The following EPB41L3 variants were observed in gnomAD, a reference collection of about 807,000 sequenced individuals.
The protein encoded by EPB41L3 is erythrocyte membrane protein band 4.1 like 3.
Under a neutral mutation model 127.1 loss-of-function variants are expected in EPB41L3, and 57 were observed. The observed-to-expected ratio is 0.45, with a 90% confidence interval of 0.36 to 0.56. The LOEUF is 0.56. EPB41L3 is among the 20% of genes least tolerant of loss of function. The pLI, the probability that EPB41L3 is intolerant of heterozygous loss-of-function variation, is 0.00. For missense variants in EPB41L3, 1,273 were observed against 1,372.2 expected, an observed-to-expected ratio of 0.93 and a Z score of 1.14; for synonymous variants, 572 against 549.5, an observed-to-expected ratio of 1.04 and a Z score of -0.57.
At chr18:5,512,665 C>G (rs1195510597) in intron 1 of EPB41L3, among the ~76,000 whole-genome samples, 1 of 152,034 alleles carries the variant, frequency 6.6e-6, no homozygotes, top group African/African-American at 2.4e-5. Flanking sequence ...GATGACCCAG[C>G]AGAAAGAAGA....
chr18:5,573,816 G>T (rs1206003305), intron 3 of EPB41L3, among the ~76,000 whole-genome samples: 1 of 151,836 alleles, frequency 6.6e-6, no homozygotes, highest in Non-Finnish European at 1.5e-5. Flanking sequence ...TTTTTAAAAA[G>T]TCAAGAATAG....
intron 5 of EPB41L3, among the ~76,000 whole-genome samples, chr18:5,439,787 T>G (rs1471239435): frequency 6.6e-6 from 1 of 152,226 alleles, no homozygotes; most frequent in Non-Finnish European, 1.5e-5. Context: ...ATAGATCCCT[T>G]CAACGCTTGC....
At chr18:5,531,591 T>C (rs914804352) in intron 1 of EPB41L3, among the ~76,000 whole-genome samples, 9 of 151,662 alleles carry the variant, frequency 5.9e-5, no homozygotes, top group South Asian at 2.1e-4. Context: ...GGTGTGGTGG[T>C]GCATGCCTGT....
At chr18:5,429,040 C>T (rs995595429) in intron 8 of EPB41L3, among the ~76,000 whole-genome samples, 10 of 152,004 alleles carry the variant, frequency 6.6e-5, no homozygotes, top group African/African-American at 2.2e-4. Flanking sequence ...CCATTATTGT[C>T]AGAGTAAAAT....
At chr18:5,624,728 C>G (rs1040168173) in intron 1 of EPB41L3, among the ~76,000 whole-genome samples, 1 of 152,190 alleles carries the variant, frequency 6.6e-6, no homozygotes, top group Admixed American at 6.5e-5. Context: ...GTGGAGCCCC[C>G]ACTCCGGACA....
intron 4 of EPB41L3, 137 bp from the exon 5 acceptor site, chr18:5,444,017 C>T (rs550723317): frequency 8.8e-6 from 6 of 678,314 alleles, no homozygotes; most frequent in East Asian, 2.7e-5. Context: ...GGTCCTTCCC[C>T]CACATCTGGT....
intron 1 of EPB41L3, among the ~76,000 whole-genome samples, chr18:5,537,420 T>C (rs2093605713): frequency 6.6e-6 from 1 of 152,140 alleles, no homozygotes; most frequent in Non-Finnish European, 1.5e-5. Context: ...AAAATATCAA[T>C]CATTGAGAGA....
chr18:5,621,642 G>A (rs1463772929), intron 1 of EPB41L3, among the ~76,000 whole-genome samples: 2 of 152,182 alleles, frequency 1.3e-5, no homozygotes, highest in East Asian at 1.9e-4. Context: ...TCGGGAGGCT[G>A]AGGCAGGAGA....
intron 1 of EPB41L3, among the ~76,000 whole-genome samples, chr18:5,621,141 C>A (rs2094856717): frequency 6.6e-6 from 1 of 152,084 alleles, no homozygotes; most frequent in African/African-American, 2.4e-5. Flanking sequence ...TGGGTGCTGG[C>A]CACAATGGGT....
intron 2 of EPB41L3, 32 bp from the exon 3 acceptor site, chr18:5,478,470 T>C: frequency 1.2e-6 from 2 of 1,607,844 alleles, no homozygotes; most frequent in Non-Finnish European, 8.5e-7. Flanking sequence ...CAGTTTTCAT[T>C]GCAAGGTGGG....
At chr18:5,479,264 C>T (rs956707759) in intron 2 of EPB41L3, among the ~76,000 whole-genome samples, 5 of 152,170 alleles carry the variant, frequency 3.3e-5, no homozygotes, top group South Asian at 2.1e-4. Context: ...ACTGCAAATT[C>T]GATCCTTGGG....
Position 5,489,194 on chromosome 18 carries a change from T to A in EPB41L3, c.-11A>T. ...AGATTCGGTCGTCATGGTTGATTGT[T>A]CTGCAAGCAGAAAAAAGGGAAGAGC... On this transcript the variant is annotated splice_region_variant and 5_prime_UTR_variant, in exon 2 of 23. Transcript: ENST00000341928. 1 of 1,589,186 alleles carries A rather than the reference T, an allele frequency of 6.3e-7. No homozygotes were observed. The highest frequency in any genetic ancestry group is 1.9e-5 in the Admixed American group (1 of 53,690).
chr18:5,427,619 C>T (rs2078375549), intron 9 of EPB41L3, among the ~76,000 whole-genome samples: 1 of 152,198 alleles, frequency 6.6e-6, no homozygotes, highest in Admixed American at 6.5e-5. Context: ...GACCTCTAAA[C>T]TGTTCACTTT....
intron 6 of EPB41L3, among the ~76,000 whole-genome samples, chr18:5,434,827 T>C (rs979489165): frequency 6.6e-6 from 1 of 152,218 alleles, no homozygotes; most frequent in African/African-American, 2.4e-5. Context: ...CTCCTTCTAT[T>C]TGTAAAAATA....
At chr18:5,422,955 A>G (rs191868137) in intron 11 of EPB41L3, among the ~76,000 whole-genome samples, 1 of 152,306 alleles carries the variant, frequency 6.6e-6, no homozygotes, top group East Asian at 1.9e-4. Flanking sequence ...CACTTTATTC[A>G]TAAAGATTTT....
At chr18:5,539,702 T>C (rs1304434026) in intron 1 of EPB41L3, 1 of 152,250 alleles carries the variant, frequency 6.6e-6, no homozygotes, top group Non-Finnish European at 1.5e-5. Context: ...GATATTACTA[T>C]AAATTCAGAA....
Position 5,526,167 on chromosome 18 carries a change from A to G in EPB41L3, c.-12+17746T>C, listed in dbSNP as rs531471156. 7.2e-5 allele frequency among the ~76,000 whole-genome samples: 11 copies of G among 152,366 alleles called. No individual in the cohort carries two copies. In the South Asian group the frequency reaches 1.9e-3, roughly 26 times the overall value. ...ACATAATCCTGACTGTCCATGCTAA[A>G]GAGTAATAACATCCAATTGAGAACA... On this transcript the variant is annotated intron_variant, in intron 1 of 22. Transcript: ENST00000341928.
At chr18:5,477,071 C>T (rs1321053570) in intron 3 of EPB41L3, among the ~76,000 whole-genome samples, 1 of 152,190 alleles carries the variant, frequency 6.6e-6, no homozygotes, top group Non-Finnish European at 1.5e-5. Context: ...TAGTAACCTA[C>T]CTCTCATCCC....
intron 10 of EPB41L3, 45 bp from the exon 11 acceptor site, chr18:5,423,598 T>C: frequency 6.6e-7 from 1 of 1,523,426 alleles, no homozygotes; most frequent in South Asian, 1.3e-5. Flanking sequence ...TTAAGTCCAA[T>C]ATTGAGAGTG....
Sources: gnomAD v4.1 joint callset for allele counts (sites outside exome capture counted in the v4.1 genomes callset) on GRCh38, gnomAD v4.1.1 for gene constraint, MANE v1.5 for transcripts, NCBI Gene and HGNC (gene_info 2026-07-23, HGNC 2026-07-21) for gene names.